Variants in MMAB observed in about 807,000 individuals in gnomAD.
MMAB encodes the protein corrinoid adenosyltransferase MMAB.
In MMAB, 17 loss-of-function variants were observed where a neutral mutation model predicts 30.6. That is an observed-to-expected ratio of 0.56 (90% CI 0.38 to 0.83). MMAB has a LOEUF of 0.83. MMAB is among the 40% of genes least tolerant of loss of function. The pLI is 0.00. For synonymous variants in MMAB, 134 were observed against 138.6 expected, an observed-to-expected ratio of 0.97 and a Z score of 0.23; for missense variants, 311 against 331.6, an observed-to-expected ratio of 0.94 and a Z score of 0.48.
chr12:109,566,549 G>A (rs1041041673), intron 3 of MMAB, among the ~76,000 whole-genome samples: 3 of 152,184 alleles, frequency 2.0e-5, no homozygotes, highest in Non-Finnish European at 2.9e-5. Context: ...GGGATGCCCC[G>A]TGACCAGGCC....
chr12:109,557,016 C>T lies in MMAB; in HGVS notation c.*12G>A. On this transcript the variant is annotated 3_prime_UTR_variant, in exon 9 of 9. Coordinates refer to ENST00000545712, the MANE Select transcript of MMAB (RefSeq NM_052845.4). ...CATGGAGGGATCCTCCAAGCTCCCA[C>T]TTTCTGTGATTTCAGAGTCCCTCAG... 14 of 1,571,182 alleles carry T rather than the reference C, an allele frequency of 8.9e-6. No homozygotes were observed. The highest frequency in any genetic ancestry group is 1.1e-5 in the Non-Finnish European group (13 of 1,141,272).
intron 4 of MMAB, among the ~76,000 whole-genome samples, chr12:109,562,396 C>T (rs1420379648): frequency 1.3e-5 from 2 of 152,214 alleles, no homozygotes; most frequent in Non-Finnish European, 2.9e-5. Flanking sequence ...AACTGGCTGA[C>T]ATTTGAAAGC....
rs956605304 is a variant in MMAB, at chr12:109,554,219, G to A, written c.*2809C>T. On this transcript the variant is annotated 3_prime_UTR_variant, in exon 9 of 9. Coordinates refer to ENST00000545712, the MANE Select transcript of MMAB (RefSeq NM_052845.4). ...TGCCTCCTTCCAGGGCTGCTATGGG[G>A]TTCAAATGAGATAATGTCTGTGGAA... is the stretch of plus-strand genomic sequence containing the variant. 2 of 453,940 alleles carry A rather than the reference G, an allele frequency of 4.4e-6. No homozygotes were observed. The highest frequency in any genetic ancestry group is 2.3e-5 in the Admixed American group (1 of 42,568). The allele number at this position is 453,940 out of a possible 1,614,324, so 28.1% of individuals were successfully genotyped here.
In MMAB at chr12:109,561,888, G is replaced by C. The variant is rs766253599; in HGVS notation, c.349-36C>G. ...ACAGAAAGTGACAGTCAAGATCTAT[G>C]TGAGATGGGCTGGACAGAGACAATG... On this transcript the variant is annotated intron_variant, in intron 4 of 8. Coordinates refer to ENST00000545712, the MANE Select transcript of MMAB (RefSeq NM_052845.4). This position sits in a 1 kb window ranked among gnomAD's most constrained non-coding sequence, Gnocchi z 5.3. 1 of 1,566,296 alleles carries C rather than the reference G, an allele frequency of 6.4e-7. No homozygotes were observed.
chr12:109,556,838 A>G lies in MMAB; in HGVS notation c.*190T>C. 1 of 679,512 alleles carries G rather than the reference A, an allele frequency of 1.5e-6. No individual in the cohort carries two copies. The highest frequency in any genetic ancestry group is 1.8e-5 in the African/African-American group (1 of 56,822). The allele number at this position is 679,512 out of a possible 1,614,324, so 42.1% of individuals were successfully genotyped here. The stretch of plus-strand genomic sequence containing the variant: ...AGCTTGGGGAAGCAGGGTCAGGGAC[A>G]GAATCCCCAAAGGGTCACAGTCCCT... On this transcript the variant is annotated 3_prime_UTR_variant, in exon 9 of 9. Transcript: ENST00000545712.
At position 109,565,180 on chromosome 12, in the gene MMAB, T is replaced by C; in HGVS notation, c.291-4A>G. The C allele has an allele frequency of 1.2e-6, 2 of 1,613,266 alleles. No homozygotes were observed. The highest frequency in any genetic ancestry group is 1.1e-5 in the South Asian group (1 of 91,074). On this transcript the variant is annotated splice_polypyrimidine_tract_variant and splice_region_variant and intron_variant, in intron 3 of 8. Coordinates refer to ENST00000545712, the MANE Select transcript of MMAB (RefSeq NM_052845.4). ...TGTGACTAATTCCAGAGCAAACCTATGAAGAAAAAGGAAAAAGAATTTGCC... is the reference window on the plus strand; with the variant it reads ...TGTGACTAATTCCAGAGCAAACCTACGAAGAAAAAGGAAAAAGAATTTGCC...
intron 7 of MMAB, among the ~76,000 whole-genome samples, chr12:109,560,096 T>G (rs1474598648): frequency 6.6e-6 from 1 of 152,260 alleles, no homozygotes; most frequent in Non-Finnish European, 1.5e-5. Context: ...TGGATGGCTT[T>G]GTACAAATGA....
rs572897223 is a variant in MMAB, at chr12:109,572,931, C to T, written c.134+416G>A. ...CCATTCGAAGGTTAATTTCCTGGAT[C>T]TGTGAACTAAATTAATCCATTATTA... is the stretch of plus-strand genomic sequence containing the variant. On this transcript the variant is annotated intron_variant, in intron 1 of 8. Coordinates refer to ENST00000545712, the MANE Select transcript of MMAB (RefSeq NM_052845.4). 4.6e-5 allele frequency among the ~76,000 whole-genome samples: 7 copies of T among 152,336 alleles called. No individual in the cohort carries two copies. The South Asian group carries it at 1.2e-3, about 27-fold the overall frequency.
Position 109,555,170 on chromosome 12 carries a change from T to C in MMAB, c.*1858A>G, listed in dbSNP as rs915946075. ...GTGTTATTTTATATATATATATATA[T>C]TCCAGGAAGATTTTGAGATTTTGAG... On this transcript the variant is annotated 3_prime_UTR_variant, in exon 9 of 9. Coordinates refer to ENST00000545712, the MANE Select transcript of MMAB (RefSeq NM_052845.4). 4.4e-6 allele frequency: 2 copies of C among 453,170 alleles called. No individual in the cohort carries two copies. The highest frequency in any genetic ancestry group is 4.0e-5 in the African/African-American group (2 of 49,844). 28.1% of individuals were successfully genotyped at this position (453,170 alleles called of 1,614,324 possible).
chr12:109,563,595 G>C (rs535881080), intron 4 of MMAB, among the ~76,000 whole-genome samples: 3 of 152,370 alleles, frequency 2.0e-5, no homozygotes, highest in Admixed American at 1.3e-4. Flanking sequence ...AACCCAGCTG[G>C]AGATTAGGTG....
rs1883985767 is a variant in MMAB at position 109,556,656 on chromosome 12, AC to A, written c.*371del. 3.2e-6 allele frequency: 1 copy of A among 310,714 alleles called. No homozygotes were observed. The highest frequency in any genetic ancestry group is 6.5e-6 in the Non-Finnish European group (1 of 153,082). 19.2% of individuals were successfully genotyped at this position (310,714 alleles called of 1,614,324 possible). A position where few individuals can be genotyped will look rare whatever the true frequency, so the allele number is the denominator to read the frequency against. ...AGTGGGAGGGCTCTCTCTCACACAC[AC>A]ACACACACACACACACACACACACA... On this transcript the variant is annotated 3_prime_UTR_variant, in exon 9 of 9. Transcript: ENST00000545712.
At chr12:109,565,055 G>T in intron 4 of MMAB, 64 bp downstream of exon 4, 2 of 1,225,098 alleles carry the variant, frequency 1.6e-6, no homozygotes, top group Non-Finnish European at 2.4e-6. Flanking sequence ...GTGGCTGGAT[G>T]CTGAGTCCCG....
In MMAB at chr12:109,569,676, G is replaced by A. The variant is rs1016068135; in HGVS notation, c.197-813C>T. Among the ~76,000 whole-genome samples the A allele has an allele frequency of 2.6e-5, 4 of 152,208 alleles. No individual in the cohort carries two copies. The highest frequency in any genetic ancestry group is 4.8e-5 in the African/African-American group (2 of 41,450). ...GGAGCTGGCTTTCGCTATCGGGCAG[G>A]CTTTGGGGTTGCCAGGTGCCGGCCT... On this transcript the variant is annotated intron_variant, in intron 2 of 8. Coordinates refer to ENST00000545712, the MANE Select transcript of MMAB (RefSeq NM_052845.4). This position sits in a 1 kb window ranked among gnomAD's most constrained non-coding sequence, Gnocchi z 4.1.
Position 109,554,644 on chromosome 12 carries a change from A to G in MMAB, c.*2384T>C, listed in dbSNP as rs1381751678. The G allele has an allele frequency of 6.6e-6, 3 of 454,034 alleles. No homozygotes were observed. Among genetic ancestry groups the G allele is most frequent in the South Asian group, 3.1e-5 (2 of 64,480 alleles). The allele number at this position is 454,034 out of a possible 1,614,324, so 28.1% of individuals were successfully genotyped here. ...AACACTGGGGCAGCGGGGGCTTCGC[A>G]GTCACATTTCCTGACTGTAGGGCTT... On this transcript the variant is annotated 3_prime_UTR_variant, in exon 9 of 9. Transcript: ENST00000545712.
chr12:109,562,514 C>T (rs1004678972), intron 4 of MMAB, among the ~76,000 whole-genome samples: 9 of 152,164 alleles, frequency 5.9e-5, no homozygotes, highest in African/African-American at 2.2e-4. Flanking sequence ...CCCATGGGGG[C>T]AGCAGCTGGG....
At chr12:109,562,272 G>C (rs1189057567) in intron 4 of MMAB, among the ~76,000 whole-genome samples, 1 of 152,206 alleles carries the variant, frequency 6.6e-6, no homozygotes, top group Admixed American at 6.5e-5. Context: ...GCAGAAGCCT[G>C]TACAGCCCAC....
intron 4 of MMAB, 53 bp downstream of exon 4, chr12:109,565,066 T>C: frequency 7.0e-7 from 1 of 1,418,524 alleles, no homozygotes; most frequent in Non-Finnish European, 1.0e-6. Context: ...CTGAGTCCCG[T>C]GATGGCCACC....
intron 4 of MMAB, among the ~76,000 whole-genome samples, chr12:109,564,415 ACTCTGTTGCCCAGG>A (rs1464851494): frequency 7.9e-6 from 1 of 127,324 alleles, no homozygotes. Flanking sequence ...ACAGGATCCC[ACTCTGTTGCCCAGG>A]CTACAGTGCA....
Position 109,554,842 on chromosome 12 carries a change from AT to A in MMAB, c.*2185del. 1 of 453,832 alleles carries A rather than the reference AT, an allele frequency of 2.2e-6. No homozygotes were observed. Among genetic ancestry groups the A allele is most frequent in the African/African-American group, 2.0e-5 (1 of 50,066 alleles). The allele number at this position is 453,832 out of a possible 1,614,324, so 28.1% of individuals were successfully genotyped here. ...CCAGCCCCCAAAGCAAGCTTTCTCC[AT>A]TTTTCCCAGGTTGGTAGCACAGGAG... On this transcript the variant is annotated 3_prime_UTR_variant, in exon 9 of 9. Transcript: ENST00000545712.
Sources: allele counts gnomAD v4.1 joint callset (sites outside exome capture counted in the v4.1 genomes callset), GRCh38; gene constraint gnomAD v4.1.1; non-coding constraint Gnocchi (gnomAD v3.1); transcripts MANE v1.5; gene names NCBI Gene and HGNC (gene_info 2026-07-23, HGNC 2026-07-21).